Variants in CROCC observed in about 807,000 individuals in gnomAD.
CROCC encodes the protein ciliary rootlet coiled-coil, rootletin.
A neutral mutation model predicts 245.2 loss-of-function variants in CROCC; 180 were observed. The ratio of observed to expected loss-of-function variants is 0.73; its 90% CI spans 0.65 to 0.83. CROCC has a LOEUF of 0.83. CROCC is among the 40% of genes least tolerant of loss of function. The probability of loss-of-function intolerance (pLI) is 0.00; values close to 1 mark genes in which losing one functional copy is unlikely to be tolerated. For missense variants in CROCC, 2,688 were observed against 2,779.4 expected, an observed-to-expected ratio of 0.97 and a Z score of 0.74; for synonymous variants, 1,205 against 1,241.6, an observed-to-expected ratio of 0.97 and a Z score of 0.62.
At chr1:16,917,278 A>T (rs1432489982), upstream of CROCC, among the ~76,000 whole-genome samples, 15 of 152,292 alleles carry the variant, frequency 9.8e-5, no homozygotes, top group Non-Finnish European at 1.8e-4. Context: ...TGGTGCCAGG[A>T]GTGTTAAAGC....
Position 16,938,423 on chromosome 1 carries a change from G to C in CROCC, c.1314G>C (p.Gln438His). The stretch of plus-strand genomic sequence containing the variant: ...AGGAATCCCTGCGGCTACAGGAGCA[G>C]GCGGCCCTGGAGACAGAGGATGGAG... Reference protein sequence around the residue: ...EALESLRLQEQAALETEDGEG... With the variant: ...EALESLRLQEHAALETEDGEG... Residue 438 changes from glutamine to histidine, a missense_variant, in exon 11 of 37, where the codon CAG becomes CAC. By Grantham distance (24) the Gln-to-His change is conservative (BLOSUM62 0). Coordinates refer to ENST00000375541, the MANE Select transcript of CROCC (RefSeq NM_014675.5). 6.3e-7 allele frequency: 1 copy of C among 1,574,842 alleles called. No individual in the cohort carries two copies. Among genetic ancestry groups the C allele is most frequent in the South Asian group, 1.2e-5 (1 of 85,626 alleles).
chr1:16,971,674 G>T, intron 36 of CROCC, 27 bp downstream of exon 36: 1 of 1,454,770 alleles, frequency 6.9e-7, no homozygotes. Context: ...AGAAGGCTGG[G>T]CCAGGATGGA....
At chr1:16,921,046 G>T (rs1358527378), upstream of CROCC, among the ~76,000 whole-genome samples, 1 of 152,288 alleles carries the variant, frequency 6.6e-6, no homozygotes, top group African/African-American at 2.4e-5. Context: ...GCCTGGCTGG[G>T]ACTGTACCTT....
intron 1 of CROCC, 48 bp from the exon 2 acceptor site, chr1:16,922,615 G>C: frequency 6.5e-7 from 1 of 1,547,884 alleles, no homozygotes; most frequent in Non-Finnish European, 8.7e-7. Flanking sequence ...CGAGGCCAGG[G>C]AGCCCCGGGT....
At chr1:16,956,923 A>G (rs1488643001) in intron 25 of CROCC, among the ~76,000 whole-genome samples, 1 of 152,164 alleles carries the variant, frequency 6.6e-6, no homozygotes, top group African/African-American at 2.4e-5. Flanking sequence ...ACTCTAGAAG[A>G]TGCAAAGAAC....
chr1:16,946,615 C>G, intron 16 of CROCC, 146 bp from the exon 17 acceptor site: 1 of 1,072,404 alleles, frequency 9.3e-7, no homozygotes. Flanking sequence ...CTCCCCCTCC[C>G]CAGTGTCCCA....
chr1:16,929,939 C>T lies in CROCC; in HGVS notation c.445C>T (p.Gln149Ter). Residue 149 changes from glutamine to a stop codon, truncating the protein, a stop_gained, in exon 4 of 37, where the codon CAG (glutamine) becomes TAG (stop). Coordinates refer to ENST00000375541, the MANE Select transcript of CROCC (RefSeq NM_014675.5). LOFTEE classifies it high-confidence loss of function. ...RQSVELRRQL[Q>*]EEQASYRRKL... ...GAGCGTGGAGTTGCGGAGGCAGCTG[C>T]AGGAGGAGCAGGCCTCCTACCGGCG... is the stretch of plus-strand genomic sequence containing the variant. 6.3e-7 allele frequency: 1 copy of T among 1,586,570 alleles called. No individual in the cohort carries two copies.
intron 28 of CROCC, 53 bp downstream of exon 28, chr1:16,965,945 T>C (rs563546020): frequency 3.1e-4 from 501 of 1,601,620 alleles, no homozygotes; most frequent in Non-Finnish European, 3.9e-4. Context: ...CCTGGGGAGG[T>C]TGCAGGGTGT....
intron 20 of CROCC, among the ~76,000 whole-genome samples, chr1:16,952,221 C>CA (rs1384002848): frequency 6.7e-6 from 1 of 149,190 alleles, no homozygotes; most frequent in Non-Finnish European, 1.5e-5. Flanking sequence ...CGTGCTGACT[C>CA]ATGCCTGTAA....
rs560901604 is a variant in CROCC, at chr1:16,962,647, T to TAAAGG, written c.4405+1518_4405+1522dup. ...CCTCAGCCTCCCAAAGTGCTGGGAT[T>TAAAGG]AAAGGCATGAGACACTGTGCCCGGC... On this transcript the variant is annotated intron_variant, in intron 27 of 36. Coordinates refer to ENST00000375541, the MANE Select transcript of CROCC (RefSeq NM_014675.5). Among the ~76,000 whole-genome samples, 69 of 150,546 alleles carry TAAAGG rather than the reference T, an allele frequency of 4.6e-4. 1 individual carries two copies. In the Middle Eastern group the frequency reaches 0.01, roughly 22 times the overall value.
intron 1 of CROCC, among the ~76,000 whole-genome samples, chr1:16,915,395 AC>A (rs2075291222): frequency 1.3e-5 from 2 of 152,282 alleles, no homozygotes; most frequent in African/African-American, 4.8e-5. Flanking sequence ...AGCTAAGCCA[AC>A]CTGGCACTTT....
At chr1:16,952,207 C>A (rs1240648585) in intron 20 of CROCC, among the ~76,000 whole-genome samples, 4 of 141,270 alleles carry the variant, frequency 2.8e-5, no homozygotes, top group Non-Finnish European at 6.2e-5. Flanking sequence ...GCGGTTTGGC[C>A]GGTCGTGCTG....
intron 20 of CROCC, 62 bp from the exon 21 acceptor site, chr1:16,953,240 T>C: frequency 2.7e-6 from 4 of 1,473,494 alleles, no homozygotes; most frequent in Admixed American, 4.1e-5. Context: ...GCCCTGATGT[T>C]TTGGGGGGTC....
chr1:16,969,184 T>C lies in CROCC; in HGVS notation c.5145T>C (p.Ala1715=), dbSNP rs4920574. Residue 1715 remains alanine, a synonymous_variant, in exon 32 of 37, where the codon GCT becomes GCC. Coordinates refer to ENST00000375541, the MANE Select transcript of CROCC (RefSeq NM_014675.5). ...TGGAGCGGCTGAATGGGGCCCTGGC[T>C]AAGGTGGAGGAAAGCGAGGGGGCCC... ...LTVERLNGAL[A]KVEESEGALR... The C allele has an allele frequency of 0.9, 1,456,962 of 1,611,178 alleles. 659,393 individuals are homozygous for C. The highest frequency in any genetic ancestry group is 0.98 in the African/African-American group (73,751 of 75,038).
At chr1:16,942,008 A>AT (rs897813716) in intron 13 of CROCC, among the ~76,000 whole-genome samples, 17 of 151,340 alleles carry the variant, frequency 1.1e-4, no homozygotes, top group East Asian at 5.8e-4. Flanking sequence ...AGCCTTGAAG[A>AT]TTTTTTTTTT....
In CROCC at chr1:16,953,296, C is replaced by T; in HGVS notation, c.3007-6C>T. On this transcript the variant is annotated splice_region_variant and splice_polypyrimidine_tract_variant and intron_variant, in intron 20 of 36. Coordinates refer to ENST00000375541, the MANE Select transcript of CROCC (RefSeq NM_014675.5). ...GTGTCACAGGCATCCGGTCCTGGCC[C>T]CCTAGGAGGCAGCATGGCGGGAGCT... The T allele has an allele frequency of 6.3e-7, 1 of 1,575,624 alleles. No homozygotes were observed. The highest frequency in any genetic ancestry group is 1.3e-5 in the African/African-American group (1 of 74,302).
chr1:16,946,745 C>A lies in CROCC; in HGVS notation c.2284-16C>A. The A allele has an allele frequency of 6.5e-7, 1 of 1,550,334 alleles. No homozygotes were observed. The highest frequency in any genetic ancestry group is 8.7e-7 in the Non-Finnish European group (1 of 1,146,302). Reference sequence around the variant, plus strand: ...GACGCCCTGCTCACGAGGCCCCACTCCTACCTGGCCTCCAGCTGGAGGAAG... The same window carrying A: ...GACGCCCTGCTCACGAGGCCCCACTACTACCTGGCCTCCAGCTGGAGGAAG... On this transcript the variant is annotated splice_polypyrimidine_tract_variant and intron_variant, in intron 16 of 36. Transcript: ENST00000375541.
intron 30 of CROCC, among the ~76,000 whole-genome samples, chr1:16,967,183 C>T (rs1278830330): frequency 6.6e-6 from 1 of 152,232 alleles, no homozygotes; most frequent in Non-Finnish European, 1.5e-5. Flanking sequence ...GTGACACACA[C>T]AGGCTCTTAT....
In CROCC at chr1:16,938,988, G is replaced by C. The variant is rs766169567; in HGVS notation, c.1454G>C (p.Arg485Pro). The C allele has an allele frequency of 1.4e-4, 225 of 1,604,102 alleles. No individual in the cohort carries two copies. The highest frequency in any genetic ancestry group is 1.8e-4 in the Non-Finnish European group (207 of 1,176,854). ...RTADASNGSL[R>P]GLSGQRTPSP... is the part of the protein sequence containing the mutation. The stretch of plus-strand genomic sequence containing the variant: ...GCGGATGCTTCCAACGGCAGCCTGC[G>C]GGGGCTCTCGGGCCAGCGGACCCCG... The change falls in exon 12 of 37, where the codon CGG (arginine) becomes CCG (proline). Residue 485 changes from arginine (R) to proline (P), a missense_variant. Arg to Pro is a moderately radical substitution (Grantham distance 103). Transcript: ENST00000375541.
Sources: allele counts gnomAD v4.1 joint callset (sites outside exome capture counted in the v4.1 genomes callset), GRCh38; gene constraint gnomAD v4.1.1; transcripts MANE v1.5; gene names NCBI Gene and HGNC (gene_info 2026-07-23, HGNC 2026-07-21).